The following OXR1 variants were observed in gnomAD, a reference collection of about 807,000 sequenced individuals.
The protein encoded by OXR1 is oxidation resistance 1.
Under a neutral mutation model 104.6 loss-of-function variants are expected in OXR1, and 41 were observed. The ratio of observed to expected loss-of-function variants is 0.39; its 90% CI spans 0.31 to 0.51. The LOEUF (loss-of-function observed/expected upper bound fraction) is 0.51, where lower values mean the gene tolerates loss of function less well. Ranked by LOEUF, OXR1 falls within the 20% of genes least tolerant of loss-of-function variation. The probability of loss-of-function intolerance (pLI) is 0.77; values close to 1 mark genes in which losing one functional copy is unlikely to be tolerated. For synonymous variants in OXR1, 348 were observed against 348.4 expected (o/e 1.00, Z 0.01); for missense variants, 955 against 1,031.9 (o/e 0.93, Z 1.02).
At chr8:106,574,999 A>C (rs1490441390) in intron 3 of OXR1, among the ~76,000 whole-genome samples, 1 of 152,160 alleles carries the variant, frequency 6.6e-6, no homozygotes, top group Non-Finnish European at 1.5e-5. Context: ...TTTCATTTAC[A>C]TAATTGGACT....
intron 1 of OXR1, among the ~76,000 whole-genome samples, chr8:106,352,794 G>A (rs985905250): frequency 1.1e-4 from 16 of 152,150 alleles, no homozygotes; most frequent in African/African-American, 3.6e-4. Context: ...GATAGATATC[G>A]AAGTAGATAT....
chr8:106,555,939 T>TATATATAC (rs1327157454), intron 3 of OXR1, among the ~76,000 whole-genome samples: 2 of 90,810 alleles, frequency 2.2e-5, no homozygotes, highest in East Asian at 8.2e-4. Flanking sequence ...TACATATATA[T>TATATATAC]ATATATATAC....
At chr8:106,433,814 T>TA (rs1238717933) in intron 2 of OXR1, among the ~76,000 whole-genome samples, 3 of 152,232 alleles carry the variant, frequency 2.0e-5, no homozygotes, top group African/African-American at 4.8e-5. Context: ...TGTAGTTACT[T>TA]ACAGTTTTTC....
chr8:106,335,414 G>GT (rs1374955146), intron 1 of OXR1, among the ~76,000 whole-genome samples: 2 of 152,120 alleles, frequency 1.3e-5, no homozygotes, highest in East Asian at 1.9e-4. Context: ...GTGATATGGA[G>GT]TAAATGCTCA....
At chr8:106,383,435 A>C (rs1817243095) in intron 2 of OXR1, among the ~76,000 whole-genome samples, 1 of 152,212 alleles carries the variant, frequency 6.6e-6, no homozygotes, top group Admixed American at 6.5e-5. Flanking sequence ...AAAATGAAGC[A>C]TCGCCTGTAA....
At chr8:106,710,574 A>G in intron 9 of OXR1, 48 bp from the exon 10 acceptor site, 1 of 1,307,316 alleles carries the variant, frequency 7.6e-7, no homozygotes, top group Non-Finnish European at 1.0e-6. Context: ...AACTACCTAA[A>G]CTTGGTGTGT....
chr8:106,700,245 G>A (rs1414065871), intron 7 of OXR1, among the ~76,000 whole-genome samples: 1 of 152,104 alleles, frequency 6.6e-6, no homozygotes, highest in Admixed American at 6.5e-5. Flanking sequence ...ATATGTAGGA[G>A]TTATGAAATA....
intron 2 of OXR1, among the ~76,000 whole-genome samples, chr8:106,412,083 T>C (rs1188557057): frequency 6.6e-6 from 1 of 152,178 alleles, no homozygotes; most frequent in East Asian, 1.9e-4. Flanking sequence ...TGATGCATGT[T>C]AATATTAAAT....
intron 7 of OXR1, 86 bp downstream of exon 7, chr8:106,692,963 A>T (rs1477136816): frequency 2.1e-6 from 2 of 951,186 alleles, no homozygotes; most frequent in Non-Finnish European, 3.0e-6. Context: ...ATTTTAAGTC[A>T]TCAATGTCAG....
chr8:106,300,755 A>C (rs184394235), intron 1 of OXR1, among the ~76,000 whole-genome samples: 1 of 152,274 alleles, frequency 6.6e-6, no homozygotes, highest in Non-Finnish European at 1.5e-5. Context: ...AGTGGTATGG[A>C]TATTGCACAA....
chr8:106,389,034 A>C (rs984271059), intron 2 of OXR1, among the ~76,000 whole-genome samples: 1 of 152,098 alleles, frequency 6.6e-6, no homozygotes, highest in Admixed American at 6.5e-5. Context: ...CCCCTTCTTT[A>C]CCCTCATCCT....
intron 2 of OXR1, among the ~76,000 whole-genome samples, chr8:106,494,548 T>C (rs775985555): frequency 6.6e-6 from 1 of 152,312 alleles, no homozygotes; most frequent in Non-Finnish European, 1.5e-5. Context: ...TCCTGACTTA[T>C]CCACCTGCAT....
rs1205479786 is a variant in OXR1 at position 106,519,068 on chromosome 8, A to G, written c.149A>G (p.Glu50Gly). The change falls in exon 3 of 17, where the codon GAG becomes GGG. Residue 50 changes from glutamate to glycine, a missense_variant. Around this residue, in one of 2 missense-constraint regions of OXR1, gnomAD observed 849 missense variants for 852.9 expected, o/e 1.00. Coordinates refer to ENST00000517566, the MANE Select transcript of OXR1 (RefSeq NM_001198533.2). ...CCCAAGACCCCCATCATTGAAGAAG[A>G]GCAGAACAATGCAGCAAATACTCAG... ...PAPKTPIIEE[E>G]QNNAANTQKH... is the part of the protein sequence containing the mutation. The G allele has an allele frequency of 6.4e-7, 1 of 1,552,188 alleles. No individual in the cohort carries two copies. The highest frequency in any genetic ancestry group is 8.7e-7 in the Non-Finnish European group (1 of 1,147,038).
intron 7 of OXR1, among the ~76,000 whole-genome samples, chr8:106,702,598 G>T (rs899472906): frequency 6.6e-6 from 1 of 152,140 alleles, no homozygotes; most frequent in African/African-American, 2.4e-5. Context: ...AACATAAAAG[G>T]TGGCGCTTCT....
At chr8:106,431,343 G>A (rs772478923) in intron 2 of OXR1, among the ~76,000 whole-genome samples, 1 of 152,170 alleles carries the variant, frequency 6.6e-6, no homozygotes, top group Admixed American at 6.5e-5. Context: ...GTGGATAACT[G>A]GAACACCTGC....
intron 9 of OXR1, chr8:106,707,451 C>G (rs575831065): frequency 4.8e-4 from 247 of 513,676 alleles, no homozygotes; most frequent in South Asian, 2.5e-3. Flanking sequence ...TGTATAATAC[C>G]TTTGATCACT....
At chr8:106,400,733 A>G (rs7003015) in intron 2 of OXR1, among the ~76,000 whole-genome samples, 1 of 152,150 alleles carries the variant, frequency 6.6e-6, no homozygotes, top group East Asian at 1.9e-4. Flanking sequence ...AAGTATCTCC[A>G]TAATGAGATT....
At chr8:106,277,811 C>T (rs981299677) in intron 1 of OXR1, among the ~76,000 whole-genome samples, 1 of 152,182 alleles carries the variant, frequency 6.6e-6, no homozygotes, top group Non-Finnish European at 1.5e-5. Flanking sequence ...GTACCTTTTA[C>T]AGATGAAAGA....
chr8:106,438,319 G>C (rs552494420), intron 2 of OXR1, among the ~76,000 whole-genome samples: 2 of 152,010 alleles, frequency 1.3e-5, no homozygotes, highest in Non-Finnish European at 2.9e-5. Flanking sequence ...ATGCAAAACA[G>C]GAGTCACTAG....
Sources: gnomAD v4.1 joint callset for allele counts (sites outside exome capture counted in the v4.1 genomes callset) on GRCh38, gnomAD v4.1.1 for gene constraint, gnomAD v4.1.1 regional missense constraint, MANE v1.5 for transcripts, NCBI Gene and HGNC (gene_info 2026-07-23, HGNC 2026-07-21) for gene names.